ERC2: variants seen among roughly 807,000 people sequenced by gnomAD.
The protein encoded by ERC2 is ELKS/RAB6-interacting/CAST family member 2.
In ERC2, 42 loss-of-function variants were observed where a neutral mutation model predicts 114.8. That is an observed-to-expected ratio of 0.37 (90% CI 0.29 to 0.47). The LOEUF (loss-of-function observed/expected upper bound fraction) is 0.47, where lower values mean the gene tolerates loss of function less well. ERC2 is among the 20% of genes least tolerant of loss of function. The pLI, the probability that ERC2 is intolerant of heterozygous loss-of-function variation, is 0.99. For missense variants in ERC2, 939 were observed against 1,150.7 expected (o/e 0.82, Z 2.66); for synonymous variants, 454 against 425.5 (o/e 1.07, Z -0.82).
At chr3:56,337,347 G>A (rs893621206) in intron 2 of ERC2, among the ~76,000 whole-genome samples, 1 of 152,132 alleles carries the variant, frequency 6.6e-6, no homozygotes, top group Non-Finnish European at 1.5e-5. Context: ...CAGTATAGAG[G>A]TTAAGAACTC....
intron 6 of ERC2, among the ~76,000 whole-genome samples, chr3:56,137,665 C>A (rs956428476): frequency 2.0e-5 from 3 of 152,182 alleles, no homozygotes; most frequent in Non-Finnish European, 4.4e-5. Context: ...TTTACAAAAG[C>A]AGGCTCAGGG....
intron 3 of ERC2, among the ~76,000 whole-genome samples, chr3:56,208,242 C>T (rs2048857208): frequency 6.6e-6 from 1 of 152,180 alleles, no homozygotes; most frequent in Non-Finnish European, 1.5e-5. Flanking sequence ...GGGCTGCCAC[C>T]AATGGACCAT....
At chr3:55,742,092 C>T (rs2065997227) in intron 14 of ERC2, among the ~76,000 whole-genome samples, 1 of 151,236 alleles carries the variant, frequency 6.6e-6, no homozygotes, top group Non-Finnish European at 1.5e-5. Context: ...TTTTAGCCAC[C>T]CTGAAAAAAA....
chr3:55,916,062 T>C (rs1309418906), intron 13 of ERC2, among the ~76,000 whole-genome samples: 1 of 152,164 alleles, frequency 6.6e-6, no homozygotes, highest in Non-Finnish European at 1.5e-5. Flanking sequence ...GCATGAACTC[T>C]GCTGCGAGGT....
intron 2 of ERC2, among the ~76,000 whole-genome samples, chr3:56,317,889 A>G (rs1368833965): frequency 6.6e-6 from 1 of 152,230 alleles, no homozygotes; most frequent in East Asian, 1.9e-4. Flanking sequence ...CTTCATTAAC[A>G]TGGTATCTGA....
chr3:56,250,461 T>G (rs988992797), intron 3 of ERC2, among the ~76,000 whole-genome samples: 5 of 152,228 alleles, frequency 3.3e-5, no homozygotes, highest in African/African-American at 1.2e-4. Flanking sequence ...GAATAAGATC[T>G]AAGAGGGCTT....
At chr3:56,179,892 T>C (rs1444214227) in intron 3 of ERC2, among the ~76,000 whole-genome samples, 1 of 152,100 alleles carries the variant, frequency 6.6e-6, no homozygotes, top group African/African-American at 2.4e-5. Flanking sequence ...ATGACAACTT[T>C]GGGATCAGTG....
intron 15 of ERC2, among the ~76,000 whole-genome samples, chr3:55,716,115 G>A (rs2064106428): frequency 6.6e-6 from 1 of 152,138 alleles, no homozygotes; most frequent in African/African-American, 2.4e-5. Context: ...TGTGTTGACA[G>A]TTTTCATATC....
chr3:55,919,586 C>G (rs550599778), intron 13 of ERC2, among the ~76,000 whole-genome samples: 1 of 152,260 alleles, frequency 6.6e-6, no homozygotes, highest in East Asian at 1.9e-4. Context: ...AACCTCACAA[C>G]TTTATCTTCA....
chr3:56,337,764 G>A (rs571330348), intron 2 of ERC2, among the ~76,000 whole-genome samples: 3 of 152,170 alleles, frequency 2.0e-5, no homozygotes, highest in South Asian at 2.1e-4. Context: ...CTCAGCAGGC[G>A]TGCAAGCCAC....
intron 2 of ERC2, among the ~76,000 whole-genome samples, chr3:56,415,883 A>T (rs1386388214): frequency 6.6e-6 from 1 of 152,206 alleles, no homozygotes; most frequent in Non-Finnish European, 1.5e-5. Context: ...GCCTGCTTCA[A>T]CTACATCTGC....
chr3:56,308,267 C>T (rs895656666), intron 2 of ERC2, among the ~76,000 whole-genome samples: 9 of 152,176 alleles, frequency 5.9e-5, no homozygotes, highest in African/African-American at 2.2e-4. Context: ...TCTACAGTCT[C>T]CCCTGCTCTA....
chr3:56,216,728 T>C (rs1376973221), intron 3 of ERC2, among the ~76,000 whole-genome samples: 3 of 152,184 alleles, frequency 2.0e-5, no homozygotes, highest in Admixed American at 1.3e-4. Flanking sequence ...GGAACATCGA[T>C]GCAAAAATCC....
At chr3:55,932,635 T>C (rs2066169911) in intron 13 of ERC2, among the ~76,000 whole-genome samples, 1 of 152,196 alleles carries the variant, frequency 6.6e-6, no homozygotes, top group Non-Finnish European at 1.5e-5. Flanking sequence ...TCTTTTCCTT[T>C]CTGGTACCCC....
intron 2 of ERC2, among the ~76,000 whole-genome samples, chr3:56,309,408 G>C (rs2056412301): frequency 6.6e-6 from 1 of 152,154 alleles, no homozygotes; most frequent in Admixed American, 6.5e-5. Context: ...AGGAGTTCTG[G>C]TTTTCATTAC....
chr3:56,385,928 G>A (rs1663440446), intron 2 of ERC2, among the ~76,000 whole-genome samples: 2 of 152,156 alleles, frequency 1.3e-5, no homozygotes, highest in African/African-American at 4.8e-5. Context: ...AGTATGAGAT[G>A]TAATTTGGTT....
intron 2 of ERC2, among the ~76,000 whole-genome samples, chr3:56,331,251 G>T (rs1312948157): frequency 6.6e-6 from 1 of 152,008 alleles, no homozygotes; most frequent in Admixed American, 6.6e-5. Flanking sequence ...GCCCTTTATT[G>T]TCTAAGTCTT....
chr3:56,296,013 T>C lies in ERC2; in HGVS notation c.1074+6A>G, dbSNP rs1482355202. The C allele has an allele frequency of 3.8e-6, 6 of 1,567,200 alleles. No individual in the cohort carries two copies. Among genetic ancestry groups the C allele is most frequent in the Non-Finnish European group, 5.2e-6 (6 of 1,157,022 alleles). On this transcript the variant is annotated splice_donor_region_variant and intron_variant, in intron 3 of 17. Transcript: ENST00000288221. ...GGCTTTGGGGAAATACAGTGAATGC[T>C]CTTACCTCTCTAAGATGTATGTTTT...
chr3:56,365,411 T>C (rs1031027373), intron 2 of ERC2, among the ~76,000 whole-genome samples: 4 of 152,250 alleles, frequency 2.6e-5, no homozygotes, highest in African/African-American at 9.6e-5. Flanking sequence ...TAGAAGGCTC[T>C]ACCAACTAGG....
Sources: allele counts gnomAD v4.1 joint callset (sites outside exome capture counted in the v4.1 genomes callset), GRCh38; gene constraint gnomAD v4.1.1; transcripts MANE v1.5; gene names NCBI Gene and HGNC (gene_info 2026-07-23, HGNC 2026-07-21).